LTAP1: variants seen among roughly 807,000 people sequenced by gnomAD.
The protein encoded by LTAP1 is HCV NS5A-transactivated protein 4.
chr1:154,213,978 C>T, the LTAP1 span: 1 of 1,600,538 alleles, frequency 6.2e-7, no homozygotes, highest in Non-Finnish European at 8.5e-7. Context: ...TTAGGCATAA[C>T]CCTAAAAATA....
At chr1:154,220,543 G>A in the LTAP1 span, 1 of 861,898 alleles carries the variant, frequency 1.2e-6, no homozygotes, top group Non-Finnish European at 1.9e-6. Flanking sequence ...GACCAAGCCA[G>A]ACCCGGCCTG....
the LTAP1 span, chr1:154,207,370 G>C: frequency 7.4e-7 from 1 of 1,348,710 alleles, no homozygotes; most frequent in South Asian, 1.2e-5. Flanking sequence ...TGGGCCAGAT[G>C]TTCCGAGGGC....
chr1:154,218,538 G>A, the LTAP1 span, among the ~76,000 whole-genome samples: 32 of 152,348 alleles, frequency 2.1e-4, no homozygotes, highest in African/African-American at 7.2e-4. Flanking sequence ...GAACAAAGAG[G>A]GGAAGGTTAA....
At chr1:154,216,984 C>T in the LTAP1 span, among the ~76,000 whole-genome samples, 2 of 150,954 alleles carry the variant, frequency 1.3e-5, no homozygotes, top group African/African-American at 4.9e-5. Context: ...GAGACTCACT[C>T]TGTCACCCAG....
chr1:154,207,736 T>A, the LTAP1 span: 9 of 1,073,384 alleles, frequency 8.4e-6, no homozygotes, highest in South Asian at 1.4e-4. Flanking sequence ...GCAGCAATAG[T>A]CACAAATAGT....
the LTAP1 span, among the ~76,000 whole-genome samples, chr1:154,211,291 C>CCG: frequency 6.7e-6 from 1 of 150,120 alleles, no homozygotes. Flanking sequence ...GCGTGAGCCA[C>CCG]CGCGCCCGGC....
chr1:154,220,489 G>GCCTGGGTCC, the LTAP1 span: 1 of 1,528,744 alleles, frequency 6.5e-7, no homozygotes, highest in Non-Finnish European at 9.1e-7. Context: ...AAGCGACGGC[G>GCCTGGGTCC]CCTGGGTCCC....
chr1:154,213,414 C>T, the LTAP1 span: 1 of 154,488 alleles, frequency 6.5e-6, no homozygotes, highest in South Asian at 2.0e-4. Flanking sequence ...TTGGTGGTAA[C>T]ACCACAGTTG....
chr1:154,219,106 C>T, the LTAP1 span, among the ~76,000 whole-genome samples: 7 of 152,154 alleles, frequency 4.6e-5, no homozygotes, highest in Middle Eastern at 3.4e-3. Context: ...TACTTAGAAG[C>T]GAAAGACTAA....
At chr1:154,220,011 T>C in the LTAP1 span, 2 of 1,252,502 alleles carry the variant, frequency 1.6e-6, no homozygotes, top group Non-Finnish European at 2.2e-6. Context: ...AAAGCATGCC[T>C]TCATTCCAAA....
chr1:154,219,312 T>C, the LTAP1 span, among the ~76,000 whole-genome samples: 1 of 152,218 alleles, frequency 6.6e-6, no homozygotes, highest in Admixed American at 6.5e-5. Flanking sequence ...GACAGTCACC[T>C]AAGGAGAAAG....
the LTAP1 span, chr1:154,214,718 G>T: frequency 3.4e-6 from 2 of 593,394 alleles, no homozygotes; most frequent in Non-Finnish European, 3.0e-6. Flanking sequence ...CCAGATAAGA[G>T]GTAAGAATTT....
the LTAP1 span, among the ~76,000 whole-genome samples, chr1:154,216,035 C>CACCTT: frequency 1.6e-4 from 25 of 152,124 alleles, no homozygotes; most frequent in Middle Eastern, 3.4e-3. Flanking sequence ...GACGGGGTTT[C>CACCTT]ACCTTGTTAG....
chr1:154,214,341 T>C, the LTAP1 span: 1 of 723,292 alleles, frequency 1.4e-6, no homozygotes, highest in Non-Finnish European at 2.4e-6. Context: ...ATCTAACATA[T>C]ATCCAATAAC....
At chr1:154,217,001 G>A in the LTAP1 span, among the ~76,000 whole-genome samples, 1 of 150,726 alleles carries the variant, frequency 6.6e-6, no homozygotes, top group Non-Finnish European at 1.5e-5. Context: ...CCAGGCTGGA[G>A]TGCAATGGTG....
the LTAP1 span, chr1:154,207,658 A>G: frequency 1.3e-5 from 21 of 1,587,952 alleles, no homozygotes; most frequent in Non-Finnish European, 1.7e-5. Flanking sequence ...CCTGAAGAAC[A>G]GAGAGGGGAG....
chr1:154,207,404 C>T, the LTAP1 span: 1 of 1,585,144 alleles, frequency 6.3e-7, no homozygotes, highest in Non-Finnish European at 8.7e-7. Context: ...GCCTGTCTTG[C>T]ACATTGCAAC....
At chr1:154,220,327 G>C in the LTAP1 span, 2 of 1,613,598 alleles carry the variant, frequency 1.2e-6, no homozygotes, top group Non-Finnish European at 1.7e-6. Flanking sequence ...GAATGGGGTG[G>C]GGTAATCTCC....
chr1:154,217,097 C>A, the LTAP1 span, among the ~76,000 whole-genome samples: 1 of 151,944 alleles, frequency 6.6e-6, no homozygotes, highest in Non-Finnish European at 1.5e-5. Flanking sequence ...CAGGCACACA[C>A]CGCCACGCCC....
Sources: allele counts gnomAD v4.1 joint callset (sites outside exome capture counted in the v4.1 genomes callset), GRCh38; gene constraint gnomAD v4.1.1; transcripts MANE v1.5; gene names NCBI Gene and HGNC (gene_info 2026-07-23, HGNC 2026-07-21).